ENTPD1: variants seen among roughly 807,000 people sequenced by gnomAD.
The protein encoded by ENTPD1 is ectonucleoside triphosphate diphosphohydrolase 1, also known as ATP diphosphohydrolase.
In ENTPD1, 33 loss-of-function variants were observed where a neutral mutation model predicts 57.0. The ratio of observed to expected loss-of-function variants is 0.58; its 90% confidence interval spans 0.44 to 0.77. The LOEUF (loss-of-function observed/expected upper bound fraction) is 0.77, where lower values mean the gene tolerates loss of function less well. ENTPD1 is among the 30% of genes least tolerant of loss of function. The pLI is 0.00. For synonymous variants in ENTPD1, 202 were observed against 218.8 expected, an observed-to-expected ratio of 0.92 and a Z score of 0.68; for missense variants, 501 against 603.4, an observed-to-expected ratio of 0.83 and a Z score of 1.78.
chr10:95,731,523 C>T (rs576285195), intron 1 of ENTPD1, among the ~76,000 whole-genome samples: 91 of 152,276 alleles, frequency 6.0e-4, no homozygotes, highest in African/African-American at 1.9e-3. Context: ...CATAGAAACA[C>T]GCTTAGCCCA....
At chr10:95,771,659 T>C (rs932196664) in intron 1 of ENTPD1, among the ~76,000 whole-genome samples, 5 of 152,178 alleles carry the variant, frequency 3.3e-5, no homozygotes, top group African/African-American at 1.2e-4. Flanking sequence ...CTCCCACTTA[T>C]CCCAAACTAG....
chr10:95,810,016 C>T (rs2098296673), intron 1 of ENTPD1, among the ~76,000 whole-genome samples: 1 of 148,766 alleles, frequency 6.7e-6, no homozygotes. Context: ...TTCTCACTTC[C>T]CAGACAGGGT....
intron 1 of ENTPD1, among the ~76,000 whole-genome samples, chr10:95,773,885 T>G (rs927554784): frequency 1.3e-5 from 2 of 152,230 alleles, no homozygotes; most frequent in Non-Finnish European, 2.9e-5. Context: ...TATTTCTAGT[T>G]CTAGGTCCTT....
At chr10:95,752,291 G>A (rs1339081874), upstream of ENTPD1, among the ~76,000 whole-genome samples, 1 of 152,176 alleles carries the variant, frequency 6.6e-6, no homozygotes, top group Non-Finnish European at 1.5e-5. Context: ...ATGGTCTCAA[G>A]TAGCTTGTTT....
In ENTPD1 at chr10:95,869,845, TA is replaced by T; in HGVS notation, c.*3465del. 1 of 759,336 alleles carries T rather than the reference TA, an allele frequency of 1.3e-6. No homozygotes were observed. The allele number at this position is 759,336 out of a possible 1,614,324, so 47.0% of individuals were successfully genotyped here. On this transcript the variant is annotated 3_prime_UTR_variant, in exon 10 of 10. Coordinates refer to ENST00000371205, the MANE Select transcript of ENTPD1 (RefSeq NM_001776.6). ...AAAATTGTTAATATTTTTCTCATAC[TA>T]AATTTTCAAAATATTTTGTGTCTAT...
chr10:95,707,528 A>T (rs1272856640), upstream of ENTPD1, among the ~76,000 whole-genome samples: 6 of 152,134 alleles, frequency 3.9e-5, no homozygotes. Flanking sequence ...TACAATGGAG[A>T]TTTCTGAGCT....
chr10:95,760,702 A>G (rs1230442498), intron 1 of ENTPD1, among the ~76,000 whole-genome samples: 2 of 151,202 alleles, frequency 1.3e-5, no homozygotes, highest in Non-Finnish European at 2.9e-5. Context: ...TATAACTGGT[A>G]ATGGTGCTGA....
chr10:95,872,848 T>C lies in ENTPD1; in HGVS notation c.*6465T>C. On this transcript the variant is annotated 3_prime_UTR_variant, in exon 10 of 10. Transcript: ENST00000371205. ...TTTAAGAACCAGCCCAACTCCTGGT[T>C]CCCTGATGAAGCTTTTATTCCCCTA... 1.0e-6 allele frequency: 1 copy of C among 985,446 alleles called. No homozygotes were observed. Among genetic ancestry groups the C allele is most frequent in the Non-Finnish European group, 1.2e-6 (1 of 829,936 alleles). 61.0% of individuals were successfully genotyped at this position (985,446 alleles called of 1,614,324 possible).
At chr10:95,835,887 A>G (rs1409134432) in intron 2 of ENTPD1, among the ~76,000 whole-genome samples, 1 of 152,126 alleles carries the variant, frequency 6.6e-6, no homozygotes, top group Non-Finnish European at 1.5e-5. Context: ...ACTTAGTCAT[A>G]AATTCTTTCC....
At chr10:95,755,336 A>G, upstream of ENTPD1, 1 of 205,210 alleles carries the variant, frequency 4.9e-6, no homozygotes, top group Non-Finnish European at 1.0e-5. Context: ...GAAGCTGCCA[A>G]GTCGCCTTGG....
rs183959633 is a variant in ENTPD1 at position 95,840,512 on chromosome 10, C to A, written c.262+704C>A. ...GGCAGGAAAGACCAAATTATAGGCT[C>A]TTAGGGCTGGGAAAAGGAACTTACA... On this transcript the variant is annotated intron_variant, in intron 3 of 9. Coordinates refer to ENST00000371205, the MANE Select transcript of ENTPD1 (RefSeq NM_001776.6). Among the ~76,000 whole-genome samples, 7 of 152,212 alleles carry A rather than the reference C, an allele frequency of 4.6e-5. No individual in the cohort carries two copies. In the East Asian group the frequency reaches 1.3e-3, roughly 29 times the overall value.
intron 1 of ENTPD1, among the ~76,000 whole-genome samples, chr10:95,776,622 C>T (rs868439997): frequency 8.5e-5 from 13 of 152,074 alleles, no homozygotes; most frequent in Admixed American, 6.6e-5. Context: ...TGGGGTTGCT[C>T]TTCTCAAGGA....
At chr10:95,758,463 G>A (rs941973611) in intron 1 of ENTPD1, among the ~76,000 whole-genome samples, 6 of 152,120 alleles carry the variant, frequency 3.9e-5, no homozygotes, top group African/African-American at 1.2e-4. Flanking sequence ...CTCATATTGG[G>A]TGTTATTCCC....
intron 2 of ENTPD1, among the ~76,000 whole-genome samples, chr10:95,830,802 C>CA (rs1336025696): frequency 7.8e-4 from 118 of 150,888 alleles, no homozygotes; most frequent in Admixed American, 1.8e-3. Flanking sequence ...GACTCTGTCT[C>CA]AAAAAAAAGA....
intron 1 of ENTPD1, among the ~76,000 whole-genome samples, chr10:95,735,025 ATT>A (rs376795429): frequency 0.15 from 18,782 of 126,438 alleles, 1,671 homozygotes; most frequent in African/African-American, 0.26. Context: ...ATGAAAATAG[ATT>A]TTTTTTTTTT....
chr10:95,820,346 T>C (rs1410675520), intron 1 of ENTPD1, among the ~76,000 whole-genome samples: 1 of 152,244 alleles, frequency 6.6e-6, no homozygotes, highest in African/African-American at 2.4e-5. Flanking sequence ...AAAATCTTTT[T>C]CTTATTATAT....
At chr10:95,856,022 C>T (rs887396383) in intron 7 of ENTPD1, among the ~76,000 whole-genome samples, 6 of 152,124 alleles carry the variant, frequency 3.9e-5, no homozygotes, top group Admixed American at 6.6e-5. Flanking sequence ...GATAATATCC[C>T]GCAGAGTGTT....
At chr10:95,808,813 T>A (rs61869591) in intron 1 of ENTPD1, among the ~76,000 whole-genome samples, 40,720 of 151,426 alleles carry the variant, frequency 0.27, 6,307 homozygotes, top group Admixed American at 0.38. Flanking sequence ...GGAGAGAAGG[T>A]CAGCAGATAA....
intron 1 of ENTPD1, among the ~76,000 whole-genome samples, chr10:95,719,046 G>A (rs1350755146): frequency 6.6e-6 from 1 of 152,166 alleles, no homozygotes; most frequent in East Asian, 1.9e-4. Context: ...TGAGTATGCT[G>A]TTCACATCAT....
Sources: gnomAD v4.1 joint callset for allele counts (sites outside exome capture counted in the v4.1 genomes callset) on GRCh38, gnomAD v4.1.1 for gene constraint, MANE v1.5 for transcripts, NCBI Gene and HGNC (gene_info 2026-07-23, HGNC 2026-07-21) for gene names.